SLC10A7: variants seen among roughly 807,000 people sequenced by gnomAD.
SLC10A7 encodes sodium/bile acid cotransporter 7.
Under a neutral mutation model 43.2 loss-of-function variants are expected in SLC10A7, and 29 were observed. The ratio of observed to expected loss-of-function variants is 0.67; its 90% CI spans 0.50 to 0.92. SLC10A7 has a LOEUF of 0.92. Among genes scored for constraint, SLC10A7 ranks in the 40% least tolerant of loss-of-function variants. SLC10A7 has a pLI of 0.00. For synonymous variants in SLC10A7, 152 were observed against 144.8 expected (o/e 1.05, Z -0.35); for missense variants, 295 against 403.2 (o/e 0.73, Z 2.30).
At chr4:146,385,421 T>G (rs1247659182) in intron 5 of SLC10A7, among the ~76,000 whole-genome samples, 2 of 152,152 alleles carry the variant, frequency 1.3e-5, no homozygotes, top group African/African-American at 4.8e-5. Flanking sequence ...CTTAAATTTC[T>G]CTAACTCTTA....
chr4:146,464,555 C>T (rs1252049277), intron 4 of SLC10A7, among the ~76,000 whole-genome samples: 1 of 151,878 alleles, frequency 6.6e-6, no homozygotes, highest in African/African-American at 2.4e-5. Context: ...ATGCAATGTA[C>T]TTTAGGACAG....
At chr4:146,266,976 G>A (rs980984543) in intron 10 of SLC10A7, among the ~76,000 whole-genome samples, 11 of 152,144 alleles carry the variant, frequency 7.2e-5, no homozygotes, top group African/African-American at 2.7e-4. Context: ...TCTTCTAGGT[G>A]CAGTGAATAC....
At chr4:146,373,112 T>C (rs1210260173) in intron 5 of SLC10A7, among the ~76,000 whole-genome samples, 2 of 152,166 alleles carry the variant, frequency 1.3e-5, no homozygotes, top group East Asian at 3.9e-4. Flanking sequence ...CAGAAAGGCC[T>C]GAAGAAAGAA....
intron 4 of SLC10A7, among the ~76,000 whole-genome samples, chr4:146,486,076 A>T (rs1381018502): frequency 6.6e-6 from 1 of 152,236 alleles, no homozygotes; most frequent in Non-Finnish European, 1.5e-5. Flanking sequence ...GAGAATACTA[A>T]ATCTTTTTTC....
chr4:146,503,599 T>C (rs1481246426), intron 4 of SLC10A7, among the ~76,000 whole-genome samples: 1 of 152,216 alleles, frequency 6.6e-6, no homozygotes, highest in Non-Finnish European at 1.5e-5. Context: ...CAATTTCCAC[T>C]GAGGTAGAAG....
At chr4:146,453,711 C>G (rs909525834) in intron 4 of SLC10A7, among the ~76,000 whole-genome samples, 2 of 151,784 alleles carry the variant, frequency 1.3e-5, no homozygotes, top group African/African-American at 4.8e-5. Context: ...ACCGTTAAAA[C>G]GCATACAAAA....
At chr4:146,323,283 C>A (rs1732863816) in intron 6 of SLC10A7, among the ~76,000 whole-genome samples, 1 of 152,200 alleles carries the variant, frequency 6.6e-6, no homozygotes, top group Admixed American at 6.5e-5. Flanking sequence ...GTGTTTTAGA[C>A]ATGAAGTCCT....
chr4:146,364,275 A>T (rs973235913), intron 5 of SLC10A7, among the ~76,000 whole-genome samples: 17 of 152,100 alleles, frequency 1.1e-4, no homozygotes, highest in African/African-American at 4.1e-4. Flanking sequence ...CATACAACCT[A>T]CCAAGATTAA....
intron 5 of SLC10A7, chr4:146,408,437 C>T (rs1442238901): frequency 1.2e-4 from 19 of 152,002 alleles, no homozygotes; most frequent in African/African-American, 4.6e-4. Context: ...ATAGTCCCGG[C>T]TACTTGGGAG....
chr4:146,281,179 G>C (rs1729525423), intron 10 of SLC10A7, among the ~76,000 whole-genome samples: 1 of 151,968 alleles, frequency 6.6e-6, no homozygotes, highest in South Asian at 2.1e-4. Flanking sequence ...ATGACTTTAG[G>C]ATTAAGAAAA....
intron 5 of SLC10A7, among the ~76,000 whole-genome samples, chr4:146,369,007 C>T (rs1736585725): frequency 6.6e-6 from 1 of 152,186 alleles, no homozygotes; most frequent in African/African-American, 2.4e-5. Flanking sequence ...TGATGACCTG[C>T]AACACCTATC....
intron 4 of SLC10A7, among the ~76,000 whole-genome samples, chr4:146,502,791 T>C (rs889918043): frequency 1.3e-5 from 2 of 152,124 alleles, no homozygotes; most frequent in African/African-American, 4.8e-5. Flanking sequence ...TGTAATTCCA[T>C]TGCATAAAAC....
intron 4 of SLC10A7, among the ~76,000 whole-genome samples, chr4:146,449,403 A>G (rs936958315): frequency 3.9e-5 from 6 of 152,140 alleles, no homozygotes; most frequent in African/African-American, 1.4e-4. Flanking sequence ...TTGAGAGACC[A>G]CACCCAAGAA....
At chr4:146,473,114 T>G (rs532920006) in intron 4 of SLC10A7, among the ~76,000 whole-genome samples, 1 of 152,208 alleles carries the variant, frequency 6.6e-6, no homozygotes, top group Non-Finnish European at 1.5e-5. Flanking sequence ...TTAAATGTAG[T>G]TTTTAATTCT....
chr4:146,298,369 A>C (rs1330755037), intron 7 of SLC10A7, among the ~76,000 whole-genome samples: 1 of 152,192 alleles, frequency 6.6e-6, no homozygotes, highest in Non-Finnish European at 1.5e-5. Context: ...GTTCATATCT[A>C]ATATAATGCT....
chr4:146,350,444 G>A (rs1421124151), intron 5 of SLC10A7, among the ~76,000 whole-genome samples: 1 of 140,350 alleles, frequency 7.1e-6, no homozygotes, highest in Non-Finnish European at 1.5e-5. Context: ...AGGCGGCAGC[G>A]AGGCTGGGGG....
At chr4:146,397,251 G>A (rs1236078175) in intron 5 of SLC10A7, among the ~76,000 whole-genome samples, 1 of 152,076 alleles carries the variant, frequency 6.6e-6, no homozygotes, top group Non-Finnish European at 1.5e-5. Context: ...ATGGTTTACT[G>A]TGTATTAAAT....
chr4:146,273,019 TA>T (rs1329169403), intron 10 of SLC10A7, among the ~76,000 whole-genome samples: 2 of 152,128 alleles, frequency 1.3e-5, no homozygotes. Context: ...AGTTGATTTT[TA>T]ATGGGTAAAA....
At chr4:146,262,174 C>A (rs1435507928) in intron 10 of SLC10A7, among the ~76,000 whole-genome samples, 2 of 152,212 alleles carry the variant, frequency 1.3e-5, no homozygotes, top group Admixed American at 6.5e-5. Flanking sequence ...CCCCACTTCT[C>A]CTCCCTGCAA....
Sources: allele counts gnomAD v4.1 joint callset (sites outside exome capture counted in the v4.1 genomes callset), GRCh38; gene constraint gnomAD v4.1.1; transcripts MANE v1.5; gene names NCBI Gene and HGNC (gene_info 2026-07-23, HGNC 2026-07-21).